PLGLB1: variants seen among roughly 807,000 people sequenced by gnomAD.
The protein encoded by PLGLB1 is plasminogen-like protein B.
At chr2:87,014,296 AAGGTAT>A (rs1177936450) in intron 3 of PLGLB1, among the ~76,000 whole-genome samples, 7 of 120,706 alleles carry the variant, frequency 5.8e-5, no homozygotes, top group African/African-American at 8.5e-5. Flanking sequence ...TAAAATGTTT[AAGGTAT>A]ATTTGCACCA....
rs890759883 is a variant in PLGLB1 at position 87,013,428 on chromosome 2, G to A, written c.*2-309C>T. 46 of 140,060 alleles carry A rather than the reference G, an allele frequency of 3.3e-4. 9 individuals are homozygous for A. Among genetic ancestry groups the A allele is most frequent in the Admixed American group, 9.0e-4 (12 of 13,280 alleles). 8.7% of individuals were successfully genotyped at this position (140,060 alleles called of 1,614,324 possible). On this transcript the variant is annotated intron_variant, in intron 3 of 3. Transcript: ENST00000355705. ...GCTCACATTCTAGTGGAATCAGACAGGGGGGTTACAGGAAATATTCAAGTA... is the reference window on the plus strand; with the variant it reads ...GCTCACATTCTAGTGGAATCAGACAAGGGGGTTACAGGAAATATTCAAGTA...
Position 87,010,860 on chromosome 2 carries a change from C to T in PLGLB1, c.*2261G>A, listed in dbSNP as rs1315674517. 2.4e-4 allele frequency among the ~76,000 whole-genome samples: 18 copies of T among 74,916 alleles called. 1 individual carries two copies. Among genetic ancestry groups the T allele is most frequent in the Admixed American group, 1.2e-3 (10 of 8,664 alleles). The allele number at this position is 74,916 out of a possible 152,430, so 49.1% of individuals were successfully genotyped here. On this transcript the variant is annotated 3_prime_UTR_variant, in exon 4 of 4. Coordinates refer to ENST00000355705, the MANE Select transcript of PLGLB1 (RefSeq NM_001032392.4). ...GGCGGAGGTTGTGGTGAGCTGAGAT[C>T]GCACCATTGCACTCTAGCCTGGGCA...
At chr2:87,013,358 G>T (rs1682267667) in intron 3 of PLGLB1, 1 of 116,014 alleles carries the variant, frequency 8.6e-6, no homozygotes, top group Non-Finnish European at 1.5e-5. Context: ...CAGGATGCTG[G>T]GGACACACGG....
At position 87,011,642 on chromosome 2, in the gene PLGLB1, TA is replaced by T. The variant is rs1303382619; in HGVS notation, c.*1478del. Among the ~76,000 whole-genome samples the T allele has an allele frequency of 2.0e-5, 1 of 49,710 alleles. No homozygotes were observed. Among genetic ancestry groups the T allele is most frequent in the African/African-American group, 7.5e-5 (1 of 13,262 alleles). The allele number at this position is 49,710 out of a possible 152,430, so 32.6% of individuals were successfully genotyped here. ...CACACATTCTCTCTTTTAGTCCTAA[TA>T]AAAAAAACCATTTGAGGAAGGTGTT... On this transcript the variant is annotated 3_prime_UTR_variant, in exon 4 of 4. Coordinates refer to ENST00000355705, the MANE Select transcript of PLGLB1 (RefSeq NM_001032392.4).
chr2:87,017,285 T>G (rs1430926237), intron 2 of PLGLB1, among the ~76,000 whole-genome samples: 1 of 76,658 alleles, frequency 1.3e-5, no homozygotes, highest in Non-Finnish European at 2.8e-5. Flanking sequence ...ATGATGATGT[T>G]AAAAACTGGA....
chr2:87,017,171 A>G (rs1682352075), intron 2 of PLGLB1, among the ~76,000 whole-genome samples: 1 of 142,706 alleles, frequency 7.0e-6, no homozygotes, highest in African/African-American at 2.5e-5. Flanking sequence ...ATATCCAGTC[A>G]CCTTAAATAC....
intron 1 of PLGLB1, among the ~76,000 whole-genome samples, chr2:87,020,949 G>A (rs1299139276): frequency 6.6e-6 from 1 of 151,888 alleles, no homozygotes; most frequent in Non-Finnish European, 1.5e-5. Context: ...CCAGATTTGA[G>A]AATTTGGTCA....
chr2:87,019,102 C>A (rs1165754223), intron 1 of PLGLB1, among the ~76,000 whole-genome samples: 1 of 111,694 alleles, frequency 9.0e-6, no homozygotes, highest in African/African-American at 4.5e-5. Context: ...AGACAGCGAG[C>A]CCTCCAGGGA....
At chr2:87,019,381 A>G (rs1023899289) in intron 1 of PLGLB1, among the ~76,000 whole-genome samples, 5 of 136,100 alleles carry the variant, frequency 3.7e-5, no homozygotes, top group Non-Finnish European at 7.7e-5. Context: ...AAAATGGATT[A>G]TTGAGCAGGA....
rs1682192872 is a variant in PLGLB1, at chr2:87,010,875, T to C, written c.*2246A>G. Among the ~76,000 whole-genome samples the C allele has an allele frequency of 2.4e-5, 2 of 83,154 alleles. 1 individual carries two copies. The allele number at this position is 83,154 out of a possible 152,430, so 54.6% of individuals were successfully genotyped here. Reference sequence around the variant, plus strand: ...GAGCTGAGATCGCACCATTGCACTCTAGCCTGGGCAATGAGAGCAAAATTC... The same window carrying C: ...GAGCTGAGATCGCACCATTGCACTCCAGCCTGGGCAATGAGAGCAAAATTC... On this transcript the variant is annotated 3_prime_UTR_variant, in exon 4 of 4. Coordinates refer to ENST00000355705, the MANE Select transcript of PLGLB1 (RefSeq NM_001032392.4).
chr2:87,017,042 T>A (rs1682348821), intron 2 of PLGLB1, among the ~76,000 whole-genome samples: 2 of 139,402 alleles, frequency 1.4e-5, no homozygotes, highest in African/African-American at 5.3e-5. Flanking sequence ...TCCCACCTCC[T>A]CCCTGAGCCT....
At chr2:87,017,120 G>T (rs1682350613) in intron 2 of PLGLB1, among the ~76,000 whole-genome samples, 1 of 146,332 alleles carries the variant, frequency 6.8e-6, no homozygotes, top group Non-Finnish European at 1.5e-5. Context: ...CATTGATTAT[G>T]CCTGTAGCTC....
chr2:87,013,458 A>G (rs144110619), intron 3 of PLGLB1: 4,754 of 159,286 alleles, frequency 0.03, 1,113 homozygotes, highest in African/African-American at 0.14. Context: ...CAAGTAAACA[A>G]TATAAAATGA....
intron 1 of PLGLB1, among the ~76,000 whole-genome samples, chr2:87,020,992 ATTTC>A (rs1290932393): frequency 1.3e-5 from 2 of 152,038 alleles, no homozygotes; most frequent in Admixed American, 6.6e-5. Context: ...CTAAGTCTAG[ATTTC>A]TTTGTTTATA....
At chr2:87,020,873 T>G (rs2104879189) in intron 1 of PLGLB1, among the ~76,000 whole-genome samples, 1 of 149,304 alleles carries the variant, frequency 6.7e-6, no homozygotes, top group Non-Finnish European at 1.5e-5. Context: ...TAAACAAAGC[T>G]GAAAAGTGAG....
rs1310806833 is a variant in PLGLB1, at chr2:87,011,075, CCTG to C, written c.*2043_*2045del. ...AATGAAAACATTTTCTAGAGCCACTCCTGCCCTTCACACTCAGGAATGTCGCAG... is the reference window on the plus strand; with the variant it reads ...AATGAAAACATTTTCTAGAGCCACTCCCCTTCACACTCAGGAATGTCGCAG... On this transcript the variant is annotated 3_prime_UTR_variant, in exon 4 of 4. Transcript: ENST00000355705. 4 of 372,658 alleles carry C rather than the reference CCTG, an allele frequency of 1.1e-5. No homozygotes were observed. In the East Asian group the frequency reaches 3.5e-4, roughly 33 times the overall value. 23.1% of individuals were successfully genotyped at this position (372,658 alleles called of 1,614,324 possible).
chr2:87,019,753 C>A lies in PLGLB1; in HGVS notation c.49+1982G>T, dbSNP rs1360449572. On this transcript the variant is annotated intron_variant, in intron 1 of 3. Transcript: ENST00000355705. Reference sequence around the variant, plus strand: ...CATGTTATTATACTTCATAGCACATCGCTGCTGAGATCCCCTCCCCAGCTC... The same window carrying A: ...CATGTTATTATACTTCATAGCACATAGCTGCTGAGATCCCCTCCCCAGCTC... Among the ~76,000 whole-genome samples, 2 of 101,108 alleles carry A rather than the reference C, an allele frequency of 2.0e-5. 1 individual carries two copies. The highest frequency in any genetic ancestry group is 3.7e-5 in the Non-Finnish European group (2 of 54,718). The allele number at this position is 101,108 out of a possible 152,430, so 66.3% of individuals were successfully genotyped here. A position where few individuals can be genotyped will look rare whatever the true frequency, so the allele number is the denominator to read the frequency against.
chr2:87,019,861 T>C (rs1682393257), intron 1 of PLGLB1, among the ~76,000 whole-genome samples: 2 of 87,350 alleles, frequency 2.3e-5, no homozygotes, highest in Admixed American at 1.9e-4. Flanking sequence ...TTTTTTTCTC[T>C]TATTCACCTC....
Position 87,011,843 on chromosome 2 carries a change from AG to A in PLGLB1, c.*1277del. Among the ~76,000 whole-genome samples, 2 of 100,818 alleles carry A rather than the reference AG, an allele frequency of 2.0e-5. No individual in the cohort carries two copies. Among genetic ancestry groups the A allele is most frequent in the African/African-American group, 7.1e-5 (2 of 28,262 alleles). The allele number at this position is 100,818 out of a possible 152,430, so 66.1% of individuals were successfully genotyped here. A position where few individuals can be genotyped will look rare whatever the true frequency, so the allele number is the denominator to read the frequency against. ...CAGCTTGAATTATTGGGGATGGAGG[AG>A]GGATTTAAACTTATTTTCAGTTCTA... On this transcript the variant is annotated 3_prime_UTR_variant, in exon 4 of 4. Coordinates refer to ENST00000355705, the MANE Select transcript of PLGLB1 (RefSeq NM_001032392.4).
Sources: allele counts gnomAD v4.1 joint callset (sites outside exome capture counted in the v4.1 genomes callset), GRCh38; gene constraint gnomAD v4.1.1; transcripts MANE v1.5; gene names NCBI Gene and HGNC (gene_info 2026-07-23, HGNC 2026-07-21).